The following MDGA2 variants were observed in gnomAD, a reference collection of about 807,000 sequenced individuals.
MDGA2 encodes the protein MAM domain containing glycosylphosphatidylinositol anchor 2, also known as MAM domain-containing glycosylphosphatidylinositol anchor protein 2.
Under a neutral mutation model 117.8 loss-of-function variants are expected in MDGA2, and 40 were observed. The ratio of observed to expected loss-of-function variants is 0.34; its 90% CI spans 0.26 to 0.44. MDGA2 has a LOEUF of 0.44. MDGA2 is among the 20% of genes least tolerant of loss of function. MDGA2 has a pLI of 1.00. For missense variants in MDGA2, 1,123 were observed against 1,250.6 expected (o/e 0.90, Z 1.54); for synonymous variants, 452 against 439.0 (o/e 1.03, Z -0.37).
intron 3 of MDGA2, among the ~76,000 whole-genome samples, chr14:47,211,905 T>C (rs1046653386): frequency 6.6e-6 from 1 of 152,224 alleles, no homozygotes; most frequent in Non-Finnish European, 1.5e-5. Flanking sequence ...TTAACATTTG[T>C]AAACCATTTA....
intron 1 of MDGA2, among the ~76,000 whole-genome samples, chr14:47,423,310 TCC>T: frequency 1.3e-5 from 2 of 152,348 alleles, no homozygotes; most frequent in Middle Eastern, 3.4e-3. Context: ...TTAACTTTTT[TCC>T]TCTTCCATAC....
chr14:47,500,957 G>T (rs1186555536), intron 1 of MDGA2, among the ~76,000 whole-genome samples: 2 of 151,990 alleles, frequency 1.3e-5, no homozygotes, highest in African/African-American at 2.4e-5. Context: ...ATAGATCTAG[G>T]TAATGATCAT....
intron 1 of MDGA2, among the ~76,000 whole-genome samples, chr14:47,663,543 G>GC (rs375593538): frequency 7.9e-4 from 120 of 152,320 alleles, no homozygotes; most frequent in African/African-American, 2.7e-3. Context: ...GAAAACGATT[G>GC]CATTATGCAT....
intron 1 of MDGA2, among the ~76,000 whole-genome samples, chr14:47,616,702 A>C (rs1183666793): frequency 6.6e-6 from 1 of 152,160 alleles, no homozygotes; most frequent in Non-Finnish European, 1.5e-5. Context: ...GCATAACATA[A>C]AAATAGAACA....
intron 14 of MDGA2, 51 bp downstream of exon 14, chr14:46,873,382 C>T (rs1490592732): frequency 1.4e-6 from 2 of 1,474,100 alleles, no homozygotes; most frequent in South Asian, 1.5e-5. Context: ...GAACCTTTTT[C>T]TTCTTAGTTA....
intron 6 of MDGA2, among the ~76,000 whole-genome samples, chr14:47,069,582 G>C (rs1890206001): frequency 6.6e-6 from 1 of 152,182 alleles, no homozygotes; most frequent in South Asian, 2.1e-4. Flanking sequence ...TCAAACAGCA[G>C]TTGTAAAGTC....
intron 16 of MDGA2, among the ~76,000 whole-genome samples, chr14:46,845,277 G>A (rs1880788922): frequency 6.6e-6 from 1 of 152,114 alleles, no homozygotes; most frequent in Non-Finnish European, 1.5e-5. Flanking sequence ...TTCACCTTCC[G>A]CCATGATTGT....
chr14:47,271,387 T>C (rs911115635), intron 2 of MDGA2, among the ~76,000 whole-genome samples: 4 of 152,184 alleles, frequency 2.6e-5, no homozygotes, highest in African/African-American at 9.7e-5. Context: ...TTTGCATGTG[T>C]TTTTTCTTTT....
chr14:46,864,690 G>A (rs1881672298), intron 14 of MDGA2, among the ~76,000 whole-genome samples: 1 of 148,908 alleles, frequency 6.7e-6, no homozygotes, highest in Non-Finnish European at 1.5e-5. Context: ...GGCATTATCA[G>A]CATTAAATAC....
At chr14:47,296,504 T>G (rs28393311) in intron 2 of MDGA2, among the ~76,000 whole-genome samples, 1 of 152,060 alleles carries the variant, frequency 6.6e-6, no homozygotes. Flanking sequence ...AACCAGTAAA[T>G]AGAGATGTAC....
At chr14:47,591,415 A>G (rs1896436011) in intron 1 of MDGA2, among the ~76,000 whole-genome samples, 1 of 152,162 alleles carries the variant, frequency 6.6e-6, no homozygotes, top group African/African-American at 2.4e-5. Flanking sequence ...CAAACAATTT[A>G]AATGGAGTGA....
At chr14:46,940,157 C>CTATGT (rs148389149) in intron 9 of MDGA2, among the ~76,000 whole-genome samples, 82,464 of 151,294 alleles carry the variant, frequency 0.55, 22,851 homozygotes, top group South Asian at 0.6. Flanking sequence ...ATCATATTTG[C>CTATGT]TATATCACTA....
At chr14:47,655,320 A>C (rs142385525) in intron 1 of MDGA2, among the ~76,000 whole-genome samples, 4 of 152,304 alleles carry the variant, frequency 2.6e-5, no homozygotes, top group Non-Finnish European at 5.9e-5. Flanking sequence ...GTTCTCATTC[A>C]CATGGACATA....
At chr14:47,651,386 C>T (rs1042686679) in intron 1 of MDGA2, among the ~76,000 whole-genome samples, 8 of 152,098 alleles carry the variant, frequency 5.3e-5, no homozygotes, top group African/African-American at 9.6e-5. Flanking sequence ...TTAGCGCTTC[C>T]GTGGGATGAA....
chr14:47,266,531 C>T (rs2139688215), intron 2 of MDGA2, among the ~76,000 whole-genome samples: 1 of 152,254 alleles, frequency 6.6e-6, no homozygotes. Context: ...GAATAATCTT[C>T]CTAAAATTAA....
intron 1 of MDGA2, among the ~76,000 whole-genome samples, chr14:47,328,969 A>C (rs2139903674): frequency 6.6e-6 from 1 of 152,282 alleles, no homozygotes; most frequent in African/African-American, 2.4e-5. Context: ...GGAGTCACAA[A>C]ATTTTTAACT....
chr14:47,452,570 T>G (rs1249013468), intron 1 of MDGA2, among the ~76,000 whole-genome samples: 2 of 151,778 alleles, frequency 1.3e-5, no homozygotes, highest in African/African-American at 4.8e-5. Flanking sequence ...TTATAACAGA[T>G]GACCTTTAGG....
intron 6 of MDGA2, among the ~76,000 whole-genome samples, chr14:47,072,678 G>C (rs1890337202): frequency 6.6e-6 from 1 of 152,130 alleles, no homozygotes; most frequent in Non-Finnish European, 1.5e-5. Flanking sequence ...TTGGTATAGA[G>C]TCCAGCCATC....
chr14:47,024,432 T>G (rs1291050335), intron 8 of MDGA2, among the ~76,000 whole-genome samples: 1 of 152,188 alleles, frequency 6.6e-6, no homozygotes, highest in Non-Finnish European at 1.5e-5. Context: ...ATCGCTTCTG[T>G]CATTTCATCC....
Sources: allele counts gnomAD v4.1 joint callset (sites outside exome capture counted in the v4.1 genomes callset), GRCh38; gene constraint gnomAD v4.1.1; transcripts MANE v1.5; gene names NCBI Gene and HGNC (gene_info 2026-07-23, HGNC 2026-07-21).